VXN: variants seen among roughly 807,000 people sequenced by gnomAD.
VXN encodes uncharacterized protein C8orf46.
In VXN, 7 loss-of-function variants were observed where a neutral mutation model predicts 23.1. The ratio of observed to expected loss-of-function variants is 0.30; its 90% CI spans 0.17 to 0.57. VXN has a LOEUF of 0.57. Among genes scored for constraint, VXN ranks in the 20% least tolerant of loss-of-function variants. The pLI, the probability that VXN is intolerant of heterozygous loss-of-function variation, is 0.91. For missense variants in VXN, 238 were observed against 272.6 expected (o/e 0.87, Z 0.89); for synonymous variants, 120 against 105.8 (o/e 1.13, Z -0.83).
Position 66,516,869 on chromosome 8 carries a change from G to GA in VXN, c.*794dup, listed in dbSNP as rs932324596. 2 of 152,324 alleles carry GA rather than the reference G, an allele frequency of 1.3e-5. No homozygotes were observed. Among genetic ancestry groups the GA allele is most frequent in the African/African-American group, 4.8e-5 (2 of 41,574 alleles). The allele number at this position is 152,324 out of a possible 1,614,324, so 9.4% of individuals were successfully genotyped here. On this transcript the variant is annotated 3_prime_UTR_variant, in exon 6 of 6. Coordinates refer to ENST00000305454, the MANE Select transcript of VXN (RefSeq NM_152765.4). ...AGAGGGGGAAATGGAGGCCTTCAGA[G>GA]ATTACAGGACCAGATACCAGGTAGT...
At chr8:66,506,232 A>AGTGTGTGTGTGT (rs61613088) in intron 3 of VXN, among the ~76,000 whole-genome samples, 2,602 of 140,396 alleles carry the variant, frequency 0.019, 45 homozygotes, top group African/African-American at 0.023. Context: ...AGAGAGAGAC[A>AGTGTGTGTGTGT]GTGTGTGTGT....
At chr8:66,513,196 T>C (rs192307965) in intron 4 of VXN, among the ~76,000 whole-genome samples, 1 of 152,308 alleles carries the variant, frequency 6.6e-6, no homozygotes, top group East Asian at 1.9e-4. Flanking sequence ...AGTTGCCATA[T>C]AAGACTGAGC....
intron 2 of VXN, among the ~76,000 whole-genome samples, chr8:66,504,409 C>T (rs1217523021): frequency 2.0e-5 from 3 of 151,684 alleles, no homozygotes; most frequent in Non-Finnish European, 4.4e-5. Context: ...CCACCGCCCC[C>T]CCACCCCCAG....
intron 2 of VXN, among the ~76,000 whole-genome samples, chr8:66,499,426 T>C (rs1388073043): frequency 6.6e-6 from 1 of 151,558 alleles, no homozygotes; most frequent in Non-Finnish European, 1.5e-5. Flanking sequence ...AGAGACAGGG[T>C]TTCACTATGT....
intron 3 of VXN, among the ~76,000 whole-genome samples, chr8:66,506,182 A>G (rs1563507564): frequency 6.6e-6 from 1 of 151,456 alleles, no homozygotes; most frequent in Non-Finnish European, 1.5e-5. Flanking sequence ...CCATGAAGCA[A>G]AGGAGGATCA....
intron 2 of VXN, among the ~76,000 whole-genome samples, chr8:66,497,952 G>A (rs541796877): frequency 3.3e-5 from 5 of 152,078 alleles, no homozygotes; most frequent in Admixed American, 6.6e-5. Flanking sequence ...CGGATCACCC[G>A]AGGTCAGGAG....
chr8:66,516,136 T>A lies in VXN; in HGVS notation c.*60T>A. Reference sequence around the variant, plus strand: ...GGTTCCCCGGACAAGAGGAAAAACCTTCAGGATTGAAACTGAGCCACACGC... The same window carrying A: ...GGTTCCCCGGACAAGAGGAAAAACCATCAGGATTGAAACTGAGCCACACGC... On this transcript the variant is annotated 3_prime_UTR_variant, in exon 6 of 6. Transcript: ENST00000305454. 4 of 1,468,624 alleles carry A rather than the reference T, an allele frequency of 2.7e-6. No individual in the cohort carries two copies. The highest frequency in any genetic ancestry group is 3.6e-6 in the Non-Finnish European group (4 of 1,105,858). 91.0% of individuals were successfully genotyped at this position (1,468,624 alleles called of 1,614,324 possible). A position where few individuals can be genotyped will look rare whatever the true frequency, so the allele number is the denominator to read the frequency against.
rs61736270 is a variant in VXN at position 66,505,483 on chromosome 8, G to T, written c.235G>T (p.Ala79Ser). Residue 79 changes from alanine (A) to serine (S), a missense_variant, in exon 3 of 6, where the codon GCG becomes TCG. Physicochemically the swap from Ala to Ser is moderately conservative, Grantham distance 99. Coordinates refer to ENST00000305454, the MANE Select transcript of VXN (RefSeq NM_152765.4). ...DRRRFGRLQT[A>S]RPPTAHPAKA... ...CCGCAGGTTTGGGCGGCTCCAGACCGCGCGGCCGCCCACAGCCCACCCGGC... is the reference window on the plus strand; with the variant it reads ...CCGCAGGTTTGGGCGGCTCCAGACCTCGCGGCCGCCCACAGCCCACCCGGC... 0.042 allele frequency: 66,112 copies of T among 1,567,632 alleles called. 1,548 individuals are homozygous for T. Among genetic ancestry groups the T allele is most frequent in the Middle Eastern group, 0.053 (242 of 4,600 alleles).
chr8:66,504,337 C>G (rs918720074), intron 2 of VXN, among the ~76,000 whole-genome samples: 3 of 152,056 alleles, frequency 2.0e-5, no homozygotes, highest in Non-Finnish European at 4.4e-5. Context: ...TCCTCCTTTC[C>G]GAGAGCGATG....
At chr8:66,505,333 C>G (rs905338389) in intron 2 of VXN, 42 bp from the exon 3 acceptor site, 14 of 1,562,106 alleles carry the variant, frequency 9.0e-6, no homozygotes, top group Non-Finnish European at 1.1e-5. Context: ...TCCCTAGGCC[C>G]GAGCAGAGGA....
rs139739051 is a variant in VXN at position 66,515,661 on chromosome 8, G to A, written c.441-232G>A. ...GCAGGGGGACAGTAGCAGAACTTGAGATCCCATGAACCAGTGTGTTCAGGG... is the reference window on the plus strand; with the variant it reads ...GCAGGGGGACAGTAGCAGAACTTGAAATCCCATGAACCAGTGTGTTCAGGG... On this transcript the variant is annotated intron_variant, in intron 5 of 5. Coordinates refer to ENST00000305454, the MANE Select transcript of VXN (RefSeq NM_152765.4). 2.2e-3 allele frequency among the ~76,000 whole-genome samples: 333 copies of A among 152,334 alleles called. 1 individual carries two copies. Among genetic ancestry groups the A allele is most frequent in the African/African-American group, 7.6e-3 (314 of 41,574 alleles).
At chr8:66,515,026 CA>C (rs1359756858) in intron 5 of VXN, among the ~76,000 whole-genome samples, 2 of 152,032 alleles carry the variant, frequency 1.3e-5, no homozygotes, top group Admixed American at 6.6e-5. Context: ...AGAAAACAAA[CA>C]AAAAAATTTT....
Position 66,516,638 on chromosome 8 carries a change from C to T in VXN, c.*562C>T, listed in dbSNP as rs889265469. ...CATTTGGCATGATTGCATGAATTCT[C>T]TATTCTTTTATGTGCAGTTTTTCTA... On this transcript the variant is annotated 3_prime_UTR_variant, in exon 6 of 6. Transcript: ENST00000305454. 5.3e-5 allele frequency: 8 copies of T among 152,176 alleles called. No individual in the cohort carries two copies. The highest frequency in any genetic ancestry group is 1.7e-4 in the African/African-American group (7 of 41,450). 9.4% of individuals were successfully genotyped at this position (152,176 alleles called of 1,614,324 possible).
chr8:66,510,462 T>C (rs764134952), intron 4 of VXN: 29 of 273,776 alleles, frequency 1.1e-4, no homozygotes, highest in Non-Finnish European at 1.8e-4. Flanking sequence ...ATGGACTGGT[T>C]TCTATCACAG....
Position 66,515,911 on chromosome 8 carries a change from G to A in VXN, c.459G>A (p.Lys153=), listed in dbSNP as rs760148921. Residue 153 remains lysine, a synonymous_variant, in exon 6 of 6, where the codon AAG becomes AAA. Coordinates refer to ENST00000305454, the MANE Select transcript of VXN (RefSeq NM_152765.4). ...VLMRGSRHLK[K]MTEEYPALPQ... Reference sequence around the variant, plus strand: ...TCTTTAGATCCAGACATCTCAAGAAGATGACTGAAGAGTATCCAGCCCTTC... The same window carrying A: ...TCTTTAGATCCAGACATCTCAAGAAAATGACTGAAGAGTATCCAGCCCTTC... 1 of 1,602,016 alleles carries A rather than the reference G, an allele frequency of 6.2e-7. No homozygotes were observed. Among genetic ancestry groups the A allele is most frequent in the South Asian group, 1.1e-5 (1 of 89,810 alleles).
intron 5 of VXN, among the ~76,000 whole-genome samples, chr8:66,514,821 A>C (rs1015912693): frequency 6.6e-6 from 1 of 152,190 alleles, no homozygotes; most frequent in South Asian, 2.1e-4. Context: ...GAAGCTATGC[A>C]CTTGGGAACA....
At chr8:66,499,267 C>T (rs1424111872) in intron 2 of VXN, among the ~76,000 whole-genome samples, 1 of 129,314 alleles carries the variant, frequency 7.7e-6, no homozygotes, top group Non-Finnish European at 1.6e-5. Context: ...GGGTCTCACT[C>T]TGTCACCCAG....
intron 5 of VXN, among the ~76,000 whole-genome samples, chr8:66,515,226 G>A (rs553723849): frequency 6.6e-6 from 1 of 152,302 alleles, no homozygotes; most frequent in South Asian, 2.1e-4. Flanking sequence ...GGTTCTAAAT[G>A]GCTCCCTTCT....
At position 66,513,595 on chromosome 8, in the gene VXN, C is replaced by A; in HGVS notation, c.398C>A (p.Ala133Glu). ...VKTSASASLE[A>E]TAMGTEKGAV... ...ACTTCAGCCTCTGCCTCATTGGAGG[C>A]GACAGCCATGGGCACAGAGAAGGGA... Residue 133 changes from alanine to glutamate, a missense_variant, in exon 5 of 6, where the codon GCG becomes GAG. Coordinates refer to ENST00000305454, the MANE Select transcript of VXN (RefSeq NM_152765.4). The A allele has an allele frequency of 6.2e-7, 1 of 1,614,118 alleles. No individual in the cohort carries two copies. The highest frequency in any genetic ancestry group is 8.5e-7 in the Non-Finnish European group (1 of 1,179,990).
Sources: gnomAD v4.1 joint callset for allele counts (sites outside exome capture counted in the v4.1 genomes callset) on GRCh38, gnomAD v4.1.1 for gene constraint, MANE v1.5 for transcripts, NCBI Gene and HGNC (gene_info 2026-07-23, HGNC 2026-07-21) for gene names.